KLK13: variants seen among roughly 807,000 people sequenced by gnomAD.
KLK13 encodes the protein kallikrein related peptidase 13.
In KLK13, 19 loss-of-function variants were observed where a neutral mutation model predicts 22.4. That is an observed-to-expected ratio of 0.85 (90% CI 0.59 to 1.24). The LOEUF (loss-of-function observed/expected upper bound fraction) is 1.24, where lower values mean the gene tolerates loss of function less well. Ranked by LOEUF, KLK13 falls within the 50% of genes most tolerant of loss-of-function variation. KLK13 has a pLI of 0.00. For synonymous variants in KLK13, 156 were observed against 141.8 expected (o/e 1.10, Z -0.71); for missense variants, 311 against 347.9 (o/e 0.89, Z 0.84).
At chr19:51,064,390 A>G (rs1410683632) in intron 1 of KLK13, among the ~76,000 whole-genome samples, 1 of 146,208 alleles carries the variant, frequency 6.8e-6, no homozygotes, top group African/African-American at 2.5e-5. Flanking sequence ...CGGGAGGCTG[A>G]GGCAGGAGAA....
Position 51,055,940 on chromosome 19 carries a change from G to A in KLK13, c.*647C>T, listed in dbSNP as rs192293163. ...ATTCAGAGAGGGAATGTTGGCAGAG[G>A]TGGGGTATTGGAAGAATGTGGGATG... On this transcript the variant is annotated 3_prime_UTR_variant, in exon 5 of 5. Coordinates refer to ENST00000595793, the MANE Select transcript of KLK13 (RefSeq NM_015596.3). Among the ~76,000 whole-genome samples the A allele has an allele frequency of 1.4e-3, 207 of 152,368 alleles. No homozygotes were observed. Among genetic ancestry groups the A allele is most frequent in the Middle Eastern group, 3.4e-3 (1 of 294 alleles).
In KLK13 at chr19:51,058,628, TGAGCGAAGTTG is replaced by T. The variant is rs769914539; in HGVS notation, c.544_554del (p.Gln182ArgfsTer2). 1.2e-6 allele frequency: 2 copies of T among 1,614,212 alleles called. No individual in the cohort carries two copies. Among genetic ancestry groups the T allele is most frequent in the African/African-American group, 2.7e-5 (2 of 75,040 alleles). On this transcript the variant is annotated frameshift_variant, in exon 4 of 5. Coordinates refer to ENST00000595793, the MANE Select transcript of KLK13 (RefSeq NM_015596.3). LOFTEE classifies it high-confidence loss of function. Reference sequence around the variant, plus strand: ...GGTAGACTTGACGACACTCCTCATCTGAGCGAAGTTGGATGTTGGCACATTGTAGAGTTTTG... The same window carrying T: ...GGTAGACTTGACGACACTCCTCATCTGATGTTGGCACATTGTAGAGTTTTG...
intron 1 of KLK13, among the ~76,000 whole-genome samples, chr19:51,061,320 C>T (rs1427357275): frequency 6.6e-6 from 1 of 152,176 alleles, no homozygotes; most frequent in Non-Finnish European, 1.5e-5. Context: ...CCTTTCACTG[C>T]ATATATACTG....
chr19:51,061,082 C>A (rs1276325685), intron 1 of KLK13, among the ~76,000 whole-genome samples: 1 of 152,094 alleles, frequency 6.6e-6, no homozygotes, highest in African/African-American at 2.4e-5. Flanking sequence ...TCCATTCATC[C>A]ATTTAGGTAG....
Position 51,058,680 on chromosome 19 carries a change from G to A in KLK13, c.509-6C>T, listed in dbSNP as rs1216605278. The A allele has an allele frequency of 4.3e-6, 7 of 1,614,130 alleles. No homozygotes were observed. The highest frequency in any genetic ancestry group is 5.9e-6 in the Non-Finnish European group (7 of 1,180,004). On this transcript the variant is annotated splice_polypyrimidine_tract_variant and splice_region_variant and intron_variant, in intron 3 of 4. Coordinates refer to ENST00000595793, the MANE Select transcript of KLK13 (RefSeq NM_015596.3). ...TAGAGTTTTGGGGTAATTCACTGGG[G>A]AGAAGAAAGAGAAGGTCTAAGGTAT...
chr19:51,058,999 G>A (rs1409846427), intron 3 of KLK13, among the ~76,000 whole-genome samples: 2 of 152,024 alleles, frequency 1.3e-5, no homozygotes, highest in Non-Finnish European at 2.9e-5. Context: ...TTGGAATAGG[G>A]AGATGGTCAG....
chr19:51,059,798 C>T (rs767547993), intron 3 of KLK13, 27 bp downstream of exon 3: 2 of 1,553,594 alleles, frequency 1.3e-6, no homozygotes, highest in Non-Finnish European at 1.7e-6. Flanking sequence ...TCCTATGGGG[C>T]CTCAGGCCAC....
intron 1 of KLK13, chr19:51,063,581 C>T (rs1333156439): frequency 2.3e-6 from 1 of 443,732 alleles, no homozygotes. Context: ...TTACAATGCA[C>T]CTACCTCGCC....
upstream of KLK13, among the ~76,000 whole-genome samples, chr19:51,065,274 G>T (rs954119685): frequency 6.6e-6 from 1 of 152,100 alleles, no homozygotes. Flanking sequence ...GGCGAGGTGG[G>T]AGGAACAGTG....
At chr19:51,061,723 G>T (rs1311533964) in intron 1 of KLK13, among the ~76,000 whole-genome samples, 1 of 152,148 alleles carries the variant, frequency 6.6e-6, no homozygotes, top group African/African-American at 2.4e-5. Context: ...CTCAAAGTAG[G>T]CTGAGGACTC....
At chr19:51,056,909 T>C in intron 4 of KLK13, 134 bp from the exon 5 acceptor site, 1 of 650,886 alleles carries the variant, frequency 1.5e-6, no homozygotes, top group Admixed American at 2.9e-5. Flanking sequence ...AGAGGCAGAG[T>C]CAGACACACA....
intron 1 of KLK13, 132 bp downstream of exon 1, chr19:51,064,884 G>A (rs932510867): frequency 6.8e-6 from 5 of 735,340 alleles, no homozygotes; most frequent in Non-Finnish European, 8.9e-6. Context: ...GCTCTGAGCT[G>A]TCCCCACTGG....
At chr19:51,059,356 GAT>G (rs1359914762) in intron 3 of KLK13, among the ~76,000 whole-genome samples, 1 of 145,826 alleles carries the variant, frequency 6.9e-6, no homozygotes, top group Non-Finnish European at 1.5e-5. Flanking sequence ...TATTATAAAT[GAT>G]AAAATTCATT....
intron 4 of KLK13, among the ~76,000 whole-genome samples, chr19:51,057,337 A>G (rs935427457): frequency 5.9e-5 from 9 of 152,126 alleles, no homozygotes; most frequent in Non-Finnish European, 1.0e-4. Context: ...ACTGAATCCA[A>G]TCTCAACTTC....
chr19:51,057,859 G>C (rs1217374893), intron 4 of KLK13, among the ~76,000 whole-genome samples: 1 of 152,134 alleles, frequency 6.6e-6, no homozygotes, highest in East Asian at 1.9e-4. Flanking sequence ...CATGCAGTTT[G>C]TCCCTGCCCC....
chr19:51,064,840 G>T (rs961264842), intron 1 of KLK13, 176 bp downstream of exon 1: 1 of 625,388 alleles, frequency 1.6e-6, no homozygotes, highest in Non-Finnish European at 2.8e-6. Flanking sequence ...AACCTCAGCC[G>T]GGAAACCAGG....
rs1262594486 is a variant in KLK13, at chr19:51,058,798, A to G, written c.509-124T>C. On this transcript the variant is annotated intron_variant, in intron 3 of 4. Coordinates refer to ENST00000595793, the MANE Select transcript of KLK13 (RefSeq NM_015596.3). ...ATTGAGATGGGAAGAGAAAGATGGG[A>G]GAAGAGATGAGCACCTATCTGGGTA... 9.7e-6 allele frequency: 9 copies of G among 924,976 alleles called. No homozygotes were observed. In the South Asian group the frequency reaches 1.0e-4, roughly 11 times the overall value. The allele number at this position is 924,976 out of a possible 1,614,324, so 57.3% of individuals were successfully genotyped here. A position where few individuals can be genotyped will look rare whatever the true frequency, so the allele number is the denominator to read the frequency against.
At chr19:51,064,578 C>T (rs1011147631) in intron 1 of KLK13, 1 of 504,586 alleles carries the variant, frequency 2.0e-6, no homozygotes, top group Middle Eastern at 3.2e-4. Context: ...CTGCGACATA[C>T]TGAAGGCTCG....
chr19:51,063,690 G>A (rs779438433), intron 1 of KLK13: 2 of 456,616 alleles, frequency 4.4e-6, no homozygotes, highest in Non-Finnish European at 8.8e-6. Flanking sequence ...AGTGTCGCCA[G>A]AGGAGAAAAG....
Sources: gnomAD v4.1 joint callset for allele counts (sites outside exome capture counted in the v4.1 genomes callset) on GRCh38, gnomAD v4.1.1 for gene constraint, MANE v1.5 for transcripts, NCBI Gene and HGNC (gene_info 2026-07-23, HGNC 2026-07-21) for gene names.